Variants in MCTP2 observed in about 807,000 individuals in gnomAD.
The protein encoded by MCTP2 is multiple C2 and transmembrane domain containing 2.
A neutral mutation model predicts 111.6 loss-of-function variants in MCTP2; 132 were observed. The ratio of observed to expected loss-of-function variants is 1.18; its 90% confidence interval spans 1.03 to 1.37. The LOEUF is 1.37. Ranked by LOEUF, MCTP2 falls within the 40% of genes most tolerant of loss-of-function variation. The pLI is 0.00. For missense variants in MCTP2, 1,183 were observed against 1,067.9 expected, an observed-to-expected ratio of 1.11 and a Z score of -1.50; for synonymous variants, 395 against 387.7, an observed-to-expected ratio of 1.02 and a Z score of -0.22.
At position 94,298,247 on chromosome 15, in the gene MCTP2, CTT is replaced by C; in HGVS notation, c.-18_-17del. 1 of 1,577,514 alleles carries C rather than the reference CTT, an allele frequency of 6.3e-7. No homozygotes were observed. Among genetic ancestry groups the C allele is most frequent in the Middle Eastern group, 1.7e-4 (1 of 5,810 alleles). On this transcript the variant is annotated 5_prime_UTR_variant, in exon 2 of 23. Coordinates refer to ENST00000357742, the MANE Select transcript of MCTP2 (RefSeq NM_001385001.1). ...GAGGTGTACTTCTGAGAAGTGGCTT[CTT>C]GGGTCTTCATGCAGCCATGGATCTG...
chr15:94,423,802 G>A (rs2082738886), intron 17 of MCTP2, among the ~76,000 whole-genome samples: 2 of 152,160 alleles, frequency 1.3e-5, no homozygotes, highest in Non-Finnish European at 1.5e-5. Context: ...CCAGTGGTAC[G>A]TGATCTACTG....
Position 94,356,181 on chromosome 15 carries a change from GAACC to G in MCTP2, c.1054_1057del (p.Gln352SerfsTer6), listed in dbSNP as rs754901127. The G allele has an allele frequency of 3.7e-6, 6 of 1,612,348 alleles. No homozygotes were observed. In the African/African-American group the frequency reaches 8.0e-5, roughly 22 times the overall value. On this transcript the variant is annotated frameshift_variant, in exon 9 of 23. Coordinates refer to ENST00000357742, the MANE Select transcript of MCTP2 (RefSeq NM_001385001.1). LOFTEE classifies it high-confidence loss of function. ...TACGGCTCTCTGAGTCCTTGAAAAA[GAACC>G]AACTCTGGAACGGGATTATAAGTAT...
At chr15:94,245,568 G>GTA (rs1318734295) in intron 1 of MCTP2, among the ~76,000 whole-genome samples, 2 of 140,826 alleles carry the variant, frequency 1.4e-5, no homozygotes, top group Admixed American at 1.4e-4. Context: ...ATACATATAT[G>GTA]TATATATACG....
At chr15:94,375,410 A>G (rs768426843) in intron 12 of MCTP2, among the ~76,000 whole-genome samples, 18 of 152,116 alleles carry the variant, frequency 1.2e-4, no homozygotes, top group Non-Finnish European at 2.1e-4. Flanking sequence ...CTAATAGTCT[A>G]TATGTTATGA....
chr15:94,321,930 T>G (rs2076648684), intron 4 of MCTP2, among the ~76,000 whole-genome samples: 1 of 152,182 alleles, frequency 6.6e-6, no homozygotes, highest in African/African-American at 2.4e-5. Flanking sequence ...GTAGATTTAT[T>G]ATTCGTTAGG....
At chr15:94,311,652 G>A (rs556174274) in intron 2 of MCTP2, among the ~76,000 whole-genome samples, 32 of 152,078 alleles carry the variant, frequency 2.1e-4, no homozygotes, top group Non-Finnish European at 3.4e-4. Flanking sequence ...CGGTGGCTGT[G>A]GGAACCATAA....
intron 1 of MCTP2, among the ~76,000 whole-genome samples, chr15:94,273,096 G>A (rs10152399): frequency 6.6e-6 from 1 of 152,158 alleles, no homozygotes; most frequent in Admixed American, 6.5e-5. Context: ...GGACTCAATA[G>A]TGACATACCG....
chr15:94,341,790 T>A (rs2152405307), intron 7 of MCTP2: 1 of 152,352 alleles, frequency 6.6e-6, no homozygotes, highest in African/African-American at 2.4e-5. Flanking sequence ...CTGCTATTTT[T>A]AACTTGAGTT....
At chr15:94,243,040 T>G (rs1422797734) in intron 1 of MCTP2, among the ~76,000 whole-genome samples, 8,516 of 98,624 alleles carry the variant, frequency 0.086, 2,553 homozygotes, top group Non-Finnish European at 0.11. Context: ...CACATACACG[T>G]GTATATGTGT....
chr15:94,286,260 T>A (rs139750678), intron 1 of MCTP2, among the ~76,000 whole-genome samples: 1 of 152,192 alleles, frequency 6.6e-6, no homozygotes, highest in African/African-American at 2.4e-5. Flanking sequence ...TGCAGAATAA[T>A]CTGTCTATAT....
chr15:94,343,905 A>G (rs925314979), intron 7 of MCTP2: 4 of 152,230 alleles, frequency 2.6e-5, no homozygotes, highest in African/African-American at 9.6e-5. Context: ...GTCATTTTCC[A>G]TTAATTTATT....
At chr15:94,409,934 C>T (rs996670314) in intron 17 of MCTP2, among the ~76,000 whole-genome samples, 1 of 149,704 alleles carries the variant, frequency 6.7e-6, no homozygotes, top group African/African-American at 2.5e-5. Flanking sequence ...CATTTATCCC[C>T]TCTACTCTGC....
chr15:94,318,229 T>A (rs796225333), intron 4 of MCTP2, among the ~76,000 whole-genome samples: 4 of 149,198 alleles, frequency 2.7e-5, no homozygotes, highest in African/African-American at 1.0e-4. Context: ...GTTCTCAAGC[T>A]ACATGTCCTG....
At chr15:94,242,476 G>C (rs1390276235) in intron 1 of MCTP2, among the ~76,000 whole-genome samples, 1 of 152,090 alleles carries the variant, frequency 6.6e-6, no homozygotes, top group Non-Finnish European at 1.5e-5. Context: ...CTTTCTCAGA[G>C]ATCAGGCATC....
At chr15:94,474,944 T>C (rs1218022258) in intron 21 of MCTP2, among the ~76,000 whole-genome samples, 1 of 152,186 alleles carries the variant, frequency 6.6e-6, no homozygotes, top group African/African-American at 2.4e-5. Flanking sequence ...TGTGCAGGTT[T>C]ATAATCTTCT....
chr15:94,270,513 A>G (rs547901448), intron 1 of MCTP2, among the ~76,000 whole-genome samples: 6 of 152,202 alleles, frequency 3.9e-5, no homozygotes, highest in South Asian at 2.1e-4. Flanking sequence ...GACCTGTCCA[A>G]TGCGATCTCC....
intron 1 of MCTP2, among the ~76,000 whole-genome samples, chr15:94,243,782 T>C (rs1199304201): frequency 6.8e-6 from 1 of 147,910 alleles, no homozygotes; most frequent in Non-Finnish European, 1.5e-5. Context: ...TATGAACATA[T>C]ATATGTATAT....
chr15:94,304,480 T>G (rs1248564687), intron 2 of MCTP2, among the ~76,000 whole-genome samples: 1 of 152,228 alleles, frequency 6.6e-6, no homozygotes, highest in African/African-American at 2.4e-5. Context: ...AATGTTCTTT[T>G]GATGTAAACA....
intron 2 of MCTP2, among the ~76,000 whole-genome samples, chr15:94,300,422 A>C (rs972635266): frequency 6.6e-6 from 1 of 150,982 alleles, no homozygotes; most frequent in African/African-American, 2.4e-5. Flanking sequence ...AGGCAGGAGA[A>C]TGGCATGAAC....
Sources: allele counts gnomAD v4.1 joint callset (sites outside exome capture counted in the v4.1 genomes callset), GRCh38; gene constraint gnomAD v4.1.1; transcripts MANE v1.5; gene names NCBI Gene and HGNC (gene_info 2026-07-23, HGNC 2026-07-21).